Variants in RIMS2 observed in about 807,000 individuals in gnomAD.
RIMS2 encodes the protein regulating synaptic membrane exocytosis 2.
In RIMS2, 59 loss-of-function variants were observed where a neutral mutation model predicts 174.4. That is an observed-to-expected ratio of 0.34 (90% CI 0.27 to 0.42). The LOEUF is 0.42. Ranked by LOEUF, RIMS2 falls within the 10% of genes least tolerant of loss-of-function variation. The probability of loss-of-function intolerance (pLI) is 1.00; values close to 1 mark genes in which losing one functional copy is unlikely to be tolerated. For synonymous variants in RIMS2, 606 were observed against 572.5 expected (o/e 1.06, Z -0.84); for missense variants, 1,620 against 1,666.3 (o/e 0.97, Z 0.48).
intron 19 of RIMS2, among the ~76,000 whole-genome samples, chr8:104,143,168 T>C (rs2098600014): frequency 6.6e-6 from 1 of 152,222 alleles, no homozygotes; most frequent in South Asian, 2.1e-4. Flanking sequence ...ATCCGCATAT[T>C]TGTCATAATA....
At chr8:104,085,807 A>G (rs1332601880) in intron 19 of RIMS2, among the ~76,000 whole-genome samples, 2 of 152,170 alleles carry the variant, frequency 1.3e-5, no homozygotes, top group Admixed American at 6.5e-5. Context: ...TGCAGGGAAC[A>G]TAAGAGGTAC....
At chr8:103,917,269 G>T (rs17237902) in intron 8 of RIMS2, among the ~76,000 whole-genome samples, 6,523 of 152,194 alleles carry the variant, frequency 0.043, 191 homozygotes, top group Middle Eastern at 0.095. Context: ...TTGTAGAATG[G>T]TAATGTCCAG....
chr8:103,792,326 A>G (rs7829854), intron 3 of RIMS2, among the ~76,000 whole-genome samples: 58,852 of 151,982 alleles, frequency 0.39, 11,794 homozygotes, highest in African/African-American at 0.44. Context: ...TGACTACTGG[A>G]TGCATAACGA....
chr8:104,163,105 C>T (rs903936841), intron 19 of RIMS2, among the ~76,000 whole-genome samples: 4 of 152,148 alleles, frequency 2.6e-5, no homozygotes, highest in African/African-American at 9.6e-5. Flanking sequence ...ACTGTTGGCT[C>T]ATTGTCCCCT....
intron 1 of RIMS2, among the ~76,000 whole-genome samples, chr8:103,617,384 G>A (rs2095530047): frequency 6.6e-6 from 1 of 152,150 alleles, no homozygotes; most frequent in Non-Finnish European, 1.5e-5. Flanking sequence ...AGACTTAAAT[G>A]TGAAACCCAA....
intron 19 of RIMS2, among the ~76,000 whole-genome samples, chr8:104,200,625 G>A (rs1396328935): frequency 6.6e-6 from 1 of 152,184 alleles, no homozygotes; most frequent in Non-Finnish European, 1.5e-5. Context: ...ATGCCAGTGA[G>A]AGGCCGGGCG....
intron 14 of RIMS2, among the ~76,000 whole-genome samples, chr8:103,955,568 T>A (rs2086882977): frequency 6.6e-6 from 1 of 152,134 alleles, no homozygotes; most frequent in African/African-American, 2.4e-5. Flanking sequence ...TGCTAAAAAG[T>A]CTCAATAAAC....
At chr8:103,814,638 G>A (rs35391571) in intron 3 of RIMS2, among the ~76,000 whole-genome samples, 19,861 of 152,014 alleles carry the variant, frequency 0.13, 1,755 homozygotes, top group Non-Finnish European at 0.2. Flanking sequence ...ACTTTGGGAG[G>A]CTGAGGAGGG....
chr8:104,251,900 C>A, downstream of RIMS2: 2 of 814,472 alleles, frequency 2.5e-6, no homozygotes, highest in Admixed American at 2.1e-5. Flanking sequence ...ACCCTGGTAA[C>A]ACTGCATGCT....
At chr8:104,149,233 G>A (rs190039560) in intron 19 of RIMS2, among the ~76,000 whole-genome samples, 14 of 152,304 alleles carry the variant, frequency 9.2e-5, no homozygotes, top group African/African-American at 3.4e-4. Context: ...AAGATGCTGT[G>A]AAGATGACTT....
chr8:103,929,223 G>T (rs998968401), intron 11 of RIMS2, among the ~76,000 whole-genome samples: 1 of 151,668 alleles, frequency 6.6e-6, no homozygotes, highest in Non-Finnish European at 1.5e-5. Flanking sequence ...TACTCTGTAT[G>T]AGAAATTGAT....
At chr8:104,203,532 C>T (rs1057251352) in intron 19 of RIMS2, among the ~76,000 whole-genome samples, 1 of 137,146 alleles carries the variant, frequency 7.3e-6, no homozygotes, top group African/African-American at 2.8e-5. Flanking sequence ...GAGATGGAGC[C>T]TCGCTCTGTC....
intron 3 of RIMS2, among the ~76,000 whole-genome samples, chr8:103,791,153 T>C (rs2098494871): frequency 2.6e-5 from 4 of 151,908 alleles, no homozygotes; most frequent in Admixed American, 2.0e-4. Flanking sequence ...AAGGAAAAAA[T>C]GTTAAGGGCA....
chr8:103,519,704 T>C (rs1220001915), intron 1 of RIMS2, among the ~76,000 whole-genome samples: 1 of 151,546 alleles, frequency 6.6e-6, no homozygotes, highest in Non-Finnish European at 1.5e-5. Context: ...CTCTCAGATC[T>C]CTCAGTACAT....
chr8:103,626,637 C>T (rs114438298), intron 1 of RIMS2, among the ~76,000 whole-genome samples: 1,782 of 152,092 alleles, frequency 0.012, 38 homozygotes, highest in African/African-American at 0.042. Context: ...GGGAACCAGC[C>T]CCCAATATTT....
chr8:104,251,277 T>C lies in RIMS2; in HGVS notation c.3831+114T>C, dbSNP rs1459552377. On this transcript the variant is annotated intron_variant, in intron 23 of 23. Coordinates refer to ENST00000504942, the Ensembl canonical transcript of RIMS2. ...TTATGTTCCTCACAAAGGAAATTCT[T>C]TGGAAACTTTTCAAAGCAGTGGCCC... is the stretch of plus-strand genomic sequence containing the variant. 18 of 977,754 alleles carry C rather than the reference T, an allele frequency of 1.8e-5. No homozygotes were observed. In the Admixed American group the frequency reaches 3.4e-4, roughly 19 times the overall value. 60.6% of individuals were successfully genotyped at this position (977,754 alleles called of 1,614,324 possible).
intron 1 of RIMS2, among the ~76,000 whole-genome samples, chr8:103,578,668 T>C (rs2132673394): frequency 6.6e-6 from 1 of 152,158 alleles, no homozygotes; most frequent in East Asian, 1.9e-4. Context: ...GGGCAACATT[T>C]TCAAAGTGCT....
intron 17 of RIMS2, among the ~76,000 whole-genome samples, chr8:104,006,104 T>A (rs568757870): frequency 6.6e-6 from 1 of 152,268 alleles, no homozygotes; most frequent in Admixed American, 6.5e-5. Context: ...TTGTTCTCCA[T>A]CAAAACTAAG....
intron 3 of RIMS2, among the ~76,000 whole-genome samples, chr8:103,815,389 G>C (rs866437030): frequency 1.3e-5 from 2 of 152,020 alleles, no homozygotes; most frequent in African/African-American, 4.8e-5. Context: ...TAGTTTTTTA[G>C]ATATTTTCTG....
Sources: gnomAD v4.1 joint callset for allele counts (sites outside exome capture counted in the v4.1 genomes callset) on GRCh38, gnomAD v4.1.1 for gene constraint, MANE v1.5 for transcripts, NCBI Gene and HGNC (gene_info 2026-07-23, HGNC 2026-07-21) for gene names.